Variants in AGAP1 observed in about 807,000 individuals in gnomAD.
The protein encoded by AGAP1 is arf-GAP with GTPase, ANK repeat and PH domain-containing protein 1.
A neutral mutation model predicts 105.3 loss-of-function variants in AGAP1; 29 were observed. The observed-to-expected ratio is 0.28, with a 90% CI of 0.21 to 0.38. AGAP1 has a LOEUF of 0.38. Among genes scored for constraint, AGAP1 ranks in the 10% least tolerant of loss-of-function variants. The pLI, the probability that AGAP1 is intolerant of heterozygous loss-of-function variation, is 1.00. For synonymous variants in AGAP1, 509 were observed against 485.9 expected (o/e 1.05, Z -0.63); for missense variants, 998 against 1,165.1 (o/e 0.86, Z 2.09).
chr2:235,902,806 T>C (rs2051130706), intron 10 of AGAP1, among the ~76,000 whole-genome samples: 1 of 152,250 alleles, frequency 6.6e-6, no homozygotes, highest in Non-Finnish European at 1.5e-5. Context: ...GCAAAAATGC[T>C]TTATGCATGC....
chr2:235,548,744 A>C (rs1943708574), intron 1 of AGAP1, among the ~76,000 whole-genome samples: 1 of 151,600 alleles, frequency 6.6e-6, no homozygotes, highest in Non-Finnish European at 1.5e-5. Context: ...TTTGCAGCCC[A>C]CTCATTTGGC....
At chr2:236,016,089 G>A (rs906834996) in intron 13 of AGAP1, among the ~76,000 whole-genome samples, 2 of 151,996 alleles carry the variant, frequency 1.3e-5, no homozygotes, top group African/African-American at 2.4e-5. Flanking sequence ...ACTATGGCTT[G>A]TTAAAGAGCC....
rs2048632585 is a variant in AGAP1 at position 235,855,118 on chromosome 2, A to G, written c.1051-28227A>G. 6.6e-6 allele frequency among the ~76,000 whole-genome samples: 1 copy of G among 152,226 alleles called. No individual in the cohort carries two copies. The highest frequency in any genetic ancestry group is 6.5e-5 in the Admixed American group (1 of 15,286). ...AAAAGTAGAAAAGGTTTAAAGGCAA[A>G]AAAAGCTGAAGGTATTTGTCTGTGA... On this transcript the variant is annotated intron_variant, in intron 9 of 17. Transcript: ENST00000304032. This position sits in a 1 kb window ranked among gnomAD's most constrained non-coding sequence, Gnocchi z 5.0.
rs1044480643 is a variant in AGAP1 at position 235,714,066 on chromosome 2, T to C, written c.223-3491T>C. 2.0e-5 allele frequency among the ~76,000 whole-genome samples: 3 copies of C among 152,036 alleles called. No homozygotes were observed. The highest frequency in any genetic ancestry group is 4.8e-5 in the African/African-American group (2 of 41,410). ...TCTCACTCTGTCGCCCAGGCTGGAG[T>C]GCGGTGGTGCAATCTCAGCTCACTG... On this transcript the variant is annotated intron_variant, in intron 2 of 17. Transcript: ENST00000304032. The surrounding 1 kb of genome is among the most constrained non-coding windows in gnomAD (Gnocchi z 4.1).
rs2055143856 is a variant in AGAP1 at position 235,982,571 on chromosome 2, T to G, written c.1645+13948T>G. ...CTACTGAAGATAAGAATTTTCAACC[T>G]TCCTCTTCGTTGTCTGCTCTCCCAG... On this transcript the variant is annotated intron_variant, in intron 13 of 17. Transcript: ENST00000304032. This position sits in a 1 kb window ranked among gnomAD's most constrained non-coding sequence, Gnocchi z 4.9. Among the ~76,000 whole-genome samples the G allele has an allele frequency of 6.6e-6, 1 of 152,328 alleles. No individual in the cohort carries two copies. The highest frequency in any genetic ancestry group is 2.1e-4 in the South Asian group (1 of 4,828).
Position 236,014,728 on chromosome 2 carries a change from T to C in AGAP1, c.1646-21833T>C. On this transcript the variant is annotated intron_variant, in intron 13 of 17. Coordinates refer to ENST00000304032, the MANE Select transcript of AGAP1 (RefSeq NM_001037131.3). This position sits in a 1 kb window ranked among gnomAD's most constrained non-coding sequence, Gnocchi z 6.3. ...CGTGCTACTTTGACCTTTTTTTTTC[T>C]CCCCTTTTCATTTGTTTTCTTTTCC... The C allele has an allele frequency of 2.6e-6, 1 of 378,694 alleles. No individual in the cohort carries two copies. The highest frequency in any genetic ancestry group is 2.0e-5 in the South Asian group (1 of 49,574). 23.5% of individuals were successfully genotyped at this position (378,694 alleles called of 1,614,324 possible). A position where few individuals can be genotyped will look rare whatever the true frequency, so the allele number is the denominator to read the frequency against.
Position 235,883,286 on chromosome 2 carries a change from C to T in AGAP1, c.1051-59C>T. ...TTGAATGTATATGTTGCCTGTGTAC[C>T]TGCCTTTTCTTTTTTTTATTTACAT... On this transcript the variant is annotated intron_variant, in intron 9 of 17. Transcript: ENST00000304032. This position sits in a 1 kb window ranked among gnomAD's most constrained non-coding sequence, Gnocchi z 4.5. The T allele has an allele frequency of 1.3e-6, 2 of 1,488,422 alleles. No individual in the cohort carries two copies. The highest frequency in any genetic ancestry group is 1.1e-5 in the South Asian group (1 of 87,458). 92.2% of individuals were successfully genotyped at this position (1,488,422 alleles called of 1,614,324 possible).
intron 1 of AGAP1, among the ~76,000 whole-genome samples, chr2:235,643,959 A>C (rs1575028379): frequency 6.6e-6 from 1 of 151,602 alleles, no homozygotes; most frequent in Non-Finnish European, 1.5e-5. Flanking sequence ...CAGATGACAG[A>C]GCCCCCGTGA....
chr2:235,558,193 A>G (rs1230782303), intron 1 of AGAP1, among the ~76,000 whole-genome samples: 1 of 152,142 alleles, frequency 6.6e-6, no homozygotes, highest in African/African-American at 2.4e-5. Context: ...TCGGTTCCGC[A>G]TGGGCTGTGT....
intron 16 of AGAP1, among the ~76,000 whole-genome samples, chr2:236,110,078 C>T (rs1214474598): frequency 6.6e-6 from 1 of 152,210 alleles, no homozygotes; most frequent in Admixed American, 6.5e-5. Context: ...GCCAGTCTGT[C>T]GGGTGTCCCA....
intron 1 of AGAP1, among the ~76,000 whole-genome samples, chr2:235,497,654 C>T (rs1453111176): frequency 1.8e-4 from 28 of 152,304 alleles, no homozygotes; most frequent in Non-Finnish European, 3.1e-4. Context: ...TGGAGTGCAG[C>T]GGCGCAATCT....
chr2:236,111,207 C>T (rs1261978084), intron 16 of AGAP1, among the ~76,000 whole-genome samples: 1 of 152,188 alleles, frequency 6.6e-6, no homozygotes, highest in East Asian at 1.9e-4. Context: ...GGCACCCTCA[C>T]TGCAGTGTTT....
chr2:235,697,386 TAGA>T (rs1435444483), intron 1 of AGAP1, among the ~76,000 whole-genome samples: 1 of 152,218 alleles, frequency 6.6e-6, no homozygotes, highest in Non-Finnish European at 1.5e-5. Context: ...GTGAGGTTGT[TAGA>T]AGTAGTTTAG....
rs767684004 is a variant in AGAP1 at position 236,078,282 on chromosome 2, G to T, written c.2114+29001G>T. 6.6e-6 allele frequency among the ~76,000 whole-genome samples: 1 copy of T among 152,086 alleles called. No homozygotes were observed. The highest frequency in any genetic ancestry group is 6.6e-5 in the Admixed American group (1 of 15,264). ...GCTTGATGTAGGATTTCATCATCAC[G>T]AAACCTGTTTTTTGCTCTTTGGGCT... is the stretch of plus-strand genomic sequence containing the variant. On this transcript the variant is annotated intron_variant, in intron 16 of 17. Coordinates refer to ENST00000304032, the MANE Select transcript of AGAP1 (RefSeq NM_001037131.3). This position sits in a 1 kb window ranked among gnomAD's most constrained non-coding sequence, Gnocchi z 5.3.
intron 9 of AGAP1, among the ~76,000 whole-genome samples, chr2:235,826,260 C>T (rs1310647753): frequency 6.6e-6 from 1 of 152,186 alleles, no homozygotes; most frequent in Non-Finnish European, 1.5e-5. Context: ...TCCTCATGAG[C>T]ATGGCTTATT....
rs1575225444 is a variant in AGAP1 at position 235,721,600 on chromosome 2, T to A, written c.310+3956T>A. On this transcript the variant is annotated intron_variant, in intron 3 of 17. Coordinates refer to ENST00000304032, the MANE Select transcript of AGAP1 (RefSeq NM_001037131.3). This position sits in a 1 kb window ranked among gnomAD's most constrained non-coding sequence, Gnocchi z 4.5. The stretch of plus-strand genomic sequence containing the variant: ...TGTGGCTTAAAACAGAAATGTATTC[T>A]CATAGTTCTCAGAAGTCTGAAATCA... Among the ~76,000 whole-genome samples, 1 of 152,320 alleles carries A rather than the reference T, an allele frequency of 6.6e-6. No individual in the cohort carries two copies. The highest frequency in any genetic ancestry group is 2.4e-5 in the African/African-American group (1 of 41,578).
At chr2:235,985,631 G>C (rs1373666598) in intron 13 of AGAP1, among the ~76,000 whole-genome samples, 3 of 152,214 alleles carry the variant, frequency 2.0e-5, no homozygotes, top group African/African-American at 7.2e-5. Context: ...TGTAAAAGGT[G>C]TAAGGAAGGG....
rs1477431103 is a variant in AGAP1, at chr2:235,919,533, A to C, written c.1324+10627A>C. ...TCTTCCCTGTGTCATTGCTGGATTCAGTTGTGAGATCATTTTGTAAGAACT... is the reference window on the plus strand; with the variant it reads ...TCTTCCCTGTGTCATTGCTGGATTCCGTTGTGAGATCATTTTGTAAGAACT... On this transcript the variant is annotated intron_variant, in intron 11 of 17. Transcript: ENST00000304032. This position sits in a 1 kb window ranked among gnomAD's most constrained non-coding sequence, Gnocchi z 4.1. Among the ~76,000 whole-genome samples the C allele has an allele frequency of 6.6e-6, 1 of 152,106 alleles. No homozygotes were observed. Among genetic ancestry groups the C allele is most frequent in the Non-Finnish European group, 1.5e-5 (1 of 68,022 alleles).
Position 235,705,365 on chromosome 2 carries a change from C to T in AGAP1, c.164-3814C>T, listed in dbSNP as rs1042638703. Among the ~76,000 whole-genome samples, 1 of 152,170 alleles carries T rather than the reference C, an allele frequency of 6.6e-6. No homozygotes were observed. The highest frequency in any genetic ancestry group is 2.1e-4 in the South Asian group (1 of 4,832). On this transcript the variant is annotated intron_variant, in intron 1 of 17. Coordinates refer to ENST00000304032, the MANE Select transcript of AGAP1 (RefSeq NM_001037131.3). The surrounding 1 kb of genome is among the most constrained non-coding windows in gnomAD (Gnocchi z 4.9). Reference sequence around the variant, plus strand: ...ACAGGTGTGCACACATCCGGATGTGCATCCACACACTCATGCGCATATGCC... The same window carrying T: ...ACAGGTGTGCACACATCCGGATGTGTATCCACACACTCATGCGCATATGCC...
Sources: gnomAD v4.1 joint callset for allele counts (sites outside exome capture counted in the v4.1 genomes callset) on GRCh38, gnomAD v4.1.1 for gene constraint, Gnocchi (gnomAD v3.1) non-coding constraint, MANE v1.5 for transcripts, NCBI Gene and HGNC (gene_info 2026-07-23, HGNC 2026-07-21) for gene names.